Variants in RBFOX1 observed in about 807,000 individuals in gnomAD.
The protein encoded by RBFOX1 is RNA binding fox-1 homolog 1, also known as RNA binding protein fox-1 homolog 1.
In RBFOX1, 8 loss-of-function variants were observed where a neutral mutation model predicts 57.7. The observed-to-expected ratio is 0.14, with a 90% confidence interval of 0.08 to 0.25. The LOEUF is 0.25. RBFOX1 is among the 10% of genes least tolerant of loss of function. The pLI is 1.00. For missense variants in RBFOX1, 611 were observed against 548.5 expected (o/e 1.11, Z -1.14); for synonymous variants, 326 against 222.4 (o/e 1.47, Z -4.15).
intron 1 of RBFOX1, among the ~76,000 whole-genome samples, chr16:6,099,028 T>C (rs747546797): frequency 6.6e-6 from 1 of 152,196 alleles, no homozygotes; most frequent in Non-Finnish European, 1.5e-5. Flanking sequence ...GAGTTCCTGG[T>C]TCTTTATTAG....
intron 3 of RBFOX1, among the ~76,000 whole-genome samples, chr16:7,029,558 T>C (rs962212837): frequency 3.3e-5 from 5 of 152,074 alleles, no homozygotes; most frequent in Non-Finnish European, 5.9e-5. Flanking sequence ...CCTGGACTAA[T>C]ATCTCCAAAC....
intron 4 of RBFOX1, among the ~76,000 whole-genome samples, chr16:7,470,296 A>T (rs1198309478): frequency 1.3e-5 from 2 of 152,212 alleles, no homozygotes; most frequent in Non-Finnish European, 2.9e-5. Context: ...CCCTGCCAGT[A>T]AGTTGTTCAC....
intron 1 of RBFOX1, among the ~76,000 whole-genome samples, chr16:5,332,800 A>G (rs1034831255): frequency 6.6e-6 from 1 of 151,984 alleles, no homozygotes; most frequent in African/African-American, 2.4e-5. Flanking sequence ...TATAATACAC[A>G]TTATTAAATA....
At chr16:6,679,751 A>G (rs1164757733) in intron 3 of RBFOX1, among the ~76,000 whole-genome samples, 2 of 152,028 alleles carry the variant, frequency 1.3e-5, no homozygotes, top group Admixed American at 6.6e-5. Flanking sequence ...AGGATGTGGT[A>G]TTTGTGCATG....
At chr16:7,405,790 G>T (rs2098330133) in intron 4 of RBFOX1, among the ~76,000 whole-genome samples, 1 of 152,132 alleles carries the variant, frequency 6.6e-6, no homozygotes. Context: ...GTAAGTAAAG[G>T]TAGTTCCTTC....
At chr16:5,242,298 G>T (rs888415708) in intron 1 of RBFOX1, among the ~76,000 whole-genome samples, 2 of 152,212 alleles carry the variant, frequency 1.3e-5, no homozygotes, top group Non-Finnish European at 2.9e-5. Context: ...GAAGGATGAT[G>T]CAGGAACTGA....
At chr16:6,882,917 A>G (rs1293818965) in intron 3 of RBFOX1, among the ~76,000 whole-genome samples, 1 of 152,148 alleles carries the variant, frequency 6.6e-6, no homozygotes, top group South Asian at 2.1e-4. Flanking sequence ...GGAGTTATGA[A>G]TTGAATCAGG....
intron 6 of RBFOX1, among the ~76,000 whole-genome samples, chr16:7,580,896 G>C (rs1347257971): frequency 2.6e-5 from 4 of 152,180 alleles, no homozygotes; most frequent in African/African-American, 7.2e-5. Flanking sequence ...TTAGAGCAAT[G>C]GTGGGCTTCT....
chr16:7,699,992 G>C (rs1482041781), intron 14 of RBFOX1, among the ~76,000 whole-genome samples: 1 of 152,094 alleles, frequency 6.6e-6, no homozygotes, highest in African/African-American at 2.4e-5. Context: ...GTTGCCTCCT[G>C]GTGCTAGGTG....
chr16:7,156,321 C>G (rs1215982859), intron 4 of RBFOX1, among the ~76,000 whole-genome samples: 2 of 148,724 alleles, frequency 1.3e-5, no homozygotes, highest in African/African-American at 2.6e-5. Context: ...CATATATAGA[C>G]TTGCAGCATA....
At chr16:5,983,898 T>TCTC (rs1446081461) in intron 4 of RBFOX1, among the ~76,000 whole-genome samples, 4 of 100,338 alleles carry the variant, frequency 4.0e-5, no homozygotes, top group African/African-American at 1.6e-4. Flanking sequence ...CCCTCCTCGT[T>TCTC]CTCCTCCTCC....
chr16:7,105,030 C>T (rs143444751), intron 4 of RBFOX1, among the ~76,000 whole-genome samples: 1 of 152,216 alleles, frequency 6.6e-6, no homozygotes, highest in African/African-American at 2.4e-5. Flanking sequence ...AAAAGCCCTT[C>T]TTGGCACCTA....
intron 4 of RBFOX1, among the ~76,000 whole-genome samples, chr16:7,398,699 C>G (rs972790112): frequency 6.6e-6 from 1 of 152,200 alleles, no homozygotes; most frequent in Non-Finnish European, 1.5e-5. Flanking sequence ...GACCAGGCAA[C>G]TTCCGTAGTC....
intron 2 of RBFOX1, among the ~76,000 whole-genome samples, chr16:6,428,240 T>G (rs926608124): frequency 7.0e-6 from 1 of 142,680 alleles, no homozygotes; most frequent in African/African-American, 2.7e-5. Flanking sequence ...GAGCTGAGAT[T>G]ATACCACTGC....
chr16:7,152,892 A>T (rs2152299608), intron 4 of RBFOX1, among the ~76,000 whole-genome samples: 1 of 152,334 alleles, frequency 6.6e-6, no homozygotes, highest in South Asian at 2.1e-4. Context: ...AGTGGACATA[A>T]AAATGCAACA....
intron 2 of RBFOX1, among the ~76,000 whole-genome samples, chr16:6,507,719 C>G (rs368953197): frequency 5.3e-5 from 8 of 151,682 alleles, no homozygotes; most frequent in African/African-American, 1.5e-4. Context: ...AAGATAGTCA[C>G]AAAAAGACAC....
chr16:6,017,429 G>A (rs538703761), upstream of RBFOX1, among the ~76,000 whole-genome samples: 154 of 152,162 alleles, frequency 1.0e-3, no homozygotes, highest in African/African-American at 3.5e-3. Flanking sequence ...TTCCCATTGT[G>A]AACAGTTTCT....
chr16:7,161,138 T>C (rs189655634), intron 4 of RBFOX1, among the ~76,000 whole-genome samples: 3 of 152,134 alleles, frequency 2.0e-5, no homozygotes, highest in African/African-American at 7.2e-5. Flanking sequence ...GATTACAAAA[T>C]AATTTTATAC....
At chr16:6,561,141 G>T (rs2097174299) in intron 2 of RBFOX1, among the ~76,000 whole-genome samples, 1 of 152,092 alleles carries the variant, frequency 6.6e-6, no homozygotes, top group Non-Finnish European at 1.5e-5. Flanking sequence ...AAAAGTAATT[G>T]GATACTAGTC....
Sources: gnomAD v4.1 joint callset for allele counts (sites outside exome capture counted in the v4.1 genomes callset) on GRCh38, gnomAD v4.1.1 for gene constraint, MANE v1.5 for transcripts, NCBI Gene and HGNC (gene_info 2026-07-23, HGNC 2026-07-21) for gene names.